Variants in CSK observed in about 807,000 individuals in gnomAD.
The protein encoded by CSK is C-terminal Src kinase.
A neutral mutation model predicts 62.3 loss-of-function variants in CSK; 7 were observed. The observed-to-expected ratio is 0.11, with a 90% CI of 0.06 to 0.21. CSK has a LOEUF of 0.21. Ranked by LOEUF, CSK falls within the 10% of genes least tolerant of loss-of-function variation. The probability of loss-of-function intolerance (pLI) is 1.00; values close to 1 mark genes in which losing one functional copy is unlikely to be tolerated. For synonymous variants in CSK, 237 were observed against 246.0 expected, an observed-to-expected ratio of 0.96 and a Z score of 0.34; for missense variants, 294 against 613.5, an observed-to-expected ratio of 0.48 and a Z score of 5.50.
At position 74,800,728 on chromosome 15, in the gene CSK, G is replaced by C. The variant is rs1481906626; in HGVS notation, c.604G>C (p.Gly202Arg). The C allele has an allele frequency of 6.4e-7, 1 of 1,571,248 alleles. No homozygotes were observed. The highest frequency in any genetic ancestry group is 8.6e-7 in the Non-Finnish European group (1 of 1,157,922). The change falls in exon 7 of 13, where the codon GGG becomes CGG. Residue 202 changes from glycine (G) to arginine (R), a missense_variant. Gly to Arg is a moderately radical substitution (Grantham distance 125). Transcript: ENST00000220003. ...GGAGCTGAAGCTGCTGCAGACCATC[G>C]GGAAGGGGGAGTTCGGAGGTGAGCT... Reference protein sequence around the residue: ...MKELKLLQTIGKGEFGDVMLG... With the variant: ...MKELKLLQTIRKGEFGDVMLG...
rs769276600 is a variant in CSK at position 74,798,482 on chromosome 15, G to A, written c.16-133G>A. ...GGAGTCTCAACAGGAAGGGACCCAG[G>A]GCTCGTTCTCCGGGCAGAGCACCTC... On this transcript the variant is annotated intron_variant, in intron 2 of 12. Transcript: ENST00000220003. The surrounding 1 kb of genome is among the most constrained non-coding windows in gnomAD (Gnocchi z 6.6). 3 of 1,216,920 alleles carry A rather than the reference G, an allele frequency of 2.5e-6. No homozygotes were observed. Among genetic ancestry groups the A allele is most frequent in the Non-Finnish European group, 3.6e-6 (3 of 843,186 alleles). 75.4% of individuals were successfully genotyped at this position (1,216,920 alleles called of 1,614,324 possible). A position where few individuals can be genotyped will look rare whatever the true frequency, so the allele number is the denominator to read the frequency against.
chr15:74,802,558 G>A lies in CSK; in HGVS notation c.*45G>A, dbSNP rs754333909. On this transcript the variant is annotated 3_prime_UTR_variant, in exon 13 of 13. Transcript: ENST00000220003. ...TCATGGGCCTGTGGGGACTGAACCT[G>A]GAAGATCATGGACCTGGTGCCCCTG... 3 of 1,593,704 alleles carry A rather than the reference G, an allele frequency of 1.9e-6. No homozygotes were observed. In the Admixed American group the frequency reaches 5.6e-5, roughly 30 times the overall value.
intron 1 of CSK, among the ~76,000 whole-genome samples, chr15:74,788,927 A>G (rs942891291): frequency 1.3e-5 from 2 of 152,230 alleles, no homozygotes; most frequent in Non-Finnish European, 2.9e-5. Flanking sequence ...GGGGAGGCCC[A>G]GAGTCCCCAT....
chr15:74,799,218 A>C, intron 4 of CSK, 54 bp from the exon 5 acceptor site: 2 of 1,542,054 alleles, frequency 1.3e-6, no homozygotes, highest in South Asian at 1.2e-5. Flanking sequence ...CAGAAAGGGG[A>C]GCCAGGGTCA....
At chr15:74,799,019 G>C in intron 4 of CSK, 81 bp downstream of exon 4, 5 of 1,292,384 alleles carry the variant, frequency 3.9e-6, no homozygotes, top group Non-Finnish European at 5.2e-6. Context: ...AGGGAGGCCA[G>C]AGTGAGGGGC....
intron 8 of CSK, 38 bp from the exon 9 acceptor site, chr15:74,800,974 C>T (rs990832564): frequency 1.6e-5 from 25 of 1,612,832 alleles, no homozygotes; most frequent in Non-Finnish European, 1.9e-5. Context: ...GAGTGAGGCA[C>T]CAGCTTCCCC....
chr15:74,784,537 C>T (rs947722291), intron 1 of CSK, among the ~76,000 whole-genome samples: 12 of 152,010 alleles, frequency 7.9e-5, no homozygotes, highest in Non-Finnish European at 1.5e-4. Context: ...AGCTTGGTGC[C>T]CTCCACCCTC....
At chr15:74,792,034 A>G (rs118035805) in intron 1 of CSK, among the ~76,000 whole-genome samples, 1 of 152,122 alleles carries the variant, frequency 6.6e-6, no homozygotes, top group East Asian at 1.9e-4. Context: ...GTGTTTTGCC[A>G]TTTTCCATAC....
At chr15:74,787,743 G>A (rs1265724952) in intron 1 of CSK, among the ~76,000 whole-genome samples, 1 of 152,038 alleles carries the variant, frequency 6.6e-6, no homozygotes, top group Non-Finnish European at 1.5e-5. Context: ...TGCCCCCCTG[G>A]CTGTCCTGAT....
chr15:74,794,315 G>A (rs57984728), intron 1 of CSK, among the ~76,000 whole-genome samples: 1 of 74,358 alleles, frequency 1.3e-5, no homozygotes, highest in Non-Finnish European at 2.3e-5. Flanking sequence ...AGGGGTCCCC[G>A]CCACCCCCAC....
intron 1 of CSK, among the ~76,000 whole-genome samples, chr15:74,794,462 C>A (rs34282725): frequency 6.6e-6 from 1 of 152,236 alleles, no homozygotes; most frequent in East Asian, 1.9e-4. Context: ...TGGATGGAGG[C>A]AGGTTTCAGG....
intron 6 of CSK, 39 bp downstream of exon 6, chr15:74,800,544 T>A: frequency 4.4e-6 from 7 of 1,582,422 alleles, no homozygotes; most frequent in South Asian, 1.1e-5. Context: ...CCCACCCACC[T>A]CCTCCCACGC....
At position 74,802,719 on chromosome 15, in the gene CSK, G is replaced by A; in HGVS notation, c.*206G>A. 1 of 579,114 alleles carries A rather than the reference G, an allele frequency of 1.7e-6. No individual in the cohort carries two copies. Among genetic ancestry groups the A allele is most frequent in the Non-Finnish European group, 2.8e-6 (1 of 355,960 alleles). The allele number at this position is 579,114 out of a possible 1,614,324, so 35.9% of individuals were successfully genotyped here. A position where few individuals can be genotyped will look rare whatever the true frequency, so the allele number is the denominator to read the frequency against. ...GGGGAGCCCACTGAGGGGCCAGGGA[G>A]GAAGGAGGCCACGGAGCGGGAGGCA... On this transcript the variant is annotated 3_prime_UTR_variant, in exon 13 of 13. Transcript: ENST00000220003.
intron 1 of CSK, among the ~76,000 whole-genome samples, chr15:74,797,046 A>G (rs2063717567): frequency 6.6e-6 from 1 of 152,032 alleles, no homozygotes; most frequent in South Asian, 2.1e-4. Flanking sequence ...GGCTCAAGCG[A>G]TCCTCCCACC....
chr15:74,792,181 C>T (rs1161294646), intron 1 of CSK, among the ~76,000 whole-genome samples: 1 of 152,162 alleles, frequency 6.6e-6, no homozygotes, highest in African/African-American at 2.4e-5. Flanking sequence ...TAAAGGCTGT[C>T]TCCCCATCAT....
chr15:74,794,723 C>T (rs188352394), intron 1 of CSK, among the ~76,000 whole-genome samples: 4 of 152,236 alleles, frequency 2.6e-5, no homozygotes, highest in Admixed American at 1.3e-4. Context: ...CACCCCAAGT[C>T]GCACAGTCAA....
At position 74,802,907 on chromosome 15, in the gene CSK, G is replaced by A. The variant is rs939553114; in HGVS notation, c.*394G>A. 16 of 196,462 alleles carry A rather than the reference G, an allele frequency of 8.1e-5. No individual in the cohort carries two copies. The highest frequency in any genetic ancestry group is 1.4e-4 in the Non-Finnish European group (14 of 96,744). The allele number at this position is 196,462 out of a possible 1,614,324, so 12.2% of individuals were successfully genotyped here. A position where few individuals can be genotyped will look rare whatever the true frequency, so the allele number is the denominator to read the frequency against. On this transcript the variant is annotated 3_prime_UTR_variant, in exon 13 of 13. Transcript: ENST00000220003. ...CAAATGGGCATTTTACAAGAAGTAC[G>A]AATCTTATTTTTCCTGTCCTGCCCG...
At chr15:74,795,429 C>T (rs2063690077) in intron 1 of CSK, among the ~76,000 whole-genome samples, 1 of 152,204 alleles carries the variant, frequency 6.6e-6, no homozygotes, top group Non-Finnish European at 1.5e-5. Flanking sequence ...CAGACCTCAT[C>T]CACTGTATCA....
chr15:74,787,890 TGTGCTGTCC>T (rs946863203), intron 1 of CSK, among the ~76,000 whole-genome samples: 12 of 152,304 alleles, frequency 7.9e-5, no homozygotes, highest in South Asian at 6.2e-4. Flanking sequence ...ATCTGCAGCT[TGTGCTGTCC>T]GTGCTGCAGG....
Sources: allele counts gnomAD v4.1 joint callset (sites outside exome capture counted in the v4.1 genomes callset), GRCh38; gene constraint gnomAD v4.1.1; non-coding constraint Gnocchi (gnomAD v3.1); transcripts MANE v1.5; gene names NCBI Gene and HGNC (gene_info 2026-07-23, HGNC 2026-07-21).